The following BACE1 variants were observed in gnomAD, a reference collection of about 807,000 sequenced individuals.
BACE1 encodes APP beta-secretase.
BACE1 carries 21 observed loss-of-function variants against 54.0 expected under a neutral mutation model. The observed-to-expected ratio is 0.39, with a 90% CI of 0.28 to 0.56. The LOEUF (loss-of-function observed/expected upper bound fraction) is 0.56. BACE1 is among the 20% of genes least tolerant of loss of function. The pLI is 0.63. For missense variants in BACE1, 511 were observed against 661.2 expected (o/e 0.77, Z 2.49); for synonymous variants, 232 against 260.9 (o/e 0.89, Z 1.07).
Position 117,293,198 on chromosome 11 carries a change from AAAAG to A in BACE1, c.706-14_706-11del. ...CGATACCTCCAATGATCTAGGGAAA[AAAAG>A]AGGCAGGTACCCGTGTCCTGGCACA... On this transcript the variant is annotated splice_polypyrimidine_tract_variant and intron_variant, in intron 4 of 8. Transcript: ENST00000313005. This position sits in a 1 kb window ranked among gnomAD's most constrained non-coding sequence, Gnocchi z 4.1. 1.2e-6 allele frequency: 2 copies of A among 1,612,958 alleles called. No individual in the cohort carries two copies. The highest frequency in any genetic ancestry group is 1.1e-5 in the South Asian group (1 of 90,828).
At chr11:117,305,727 CT>C (rs376828112) in intron 1 of BACE1, among the ~76,000 whole-genome samples, 14 of 150,732 alleles carry the variant, frequency 9.3e-5, no homozygotes, top group South Asian at 2.1e-4. Flanking sequence ...AATTTTCAAA[CT>C]TTTTTTTTTC....
intron 8 of BACE1, among the ~76,000 whole-genome samples, chr11:117,290,211 C>G (rs916699996): frequency 6.6e-6 from 1 of 152,226 alleles, no homozygotes; most frequent in Non-Finnish European, 1.5e-5. Flanking sequence ...TAGACTCAGT[C>G]TGCTACCCTT....
intron 2 of BACE1, among the ~76,000 whole-genome samples, chr11:117,295,928 C>A (rs2034587131): frequency 6.6e-6 from 1 of 152,194 alleles, no homozygotes; most frequent in African/African-American, 2.4e-5. Flanking sequence ...ACACCACTAA[C>A]CAGGGCTTCT....
In BACE1 at chr11:117,293,516, T is replaced by C. The variant is rs927645378; in HGVS notation, c.706-328A>G. On this transcript the variant is annotated intron_variant, in intron 4 of 8. Coordinates refer to ENST00000313005, the MANE Select transcript of BACE1 (RefSeq NM_012104.6). This position sits in a 1 kb window ranked among gnomAD's most constrained non-coding sequence, Gnocchi z 4.1. ...TTATAAGTTTTATTTTCTCTGCTTA[T>C]TGGAGAACCATTCACCATTGTTCTA... The C allele has an allele frequency of 2.1e-5, 6 of 280,192 alleles. No individual in the cohort carries two copies. Among genetic ancestry groups the C allele is most frequent in the Admixed American group, 5.0e-5 (1 of 20,086 alleles). The allele number at this position is 280,192 out of a possible 1,614,324, so 17.4% of individuals were successfully genotyped here.
At chr11:117,304,302 G>GC (rs2034785286) in intron 1 of BACE1, among the ~76,000 whole-genome samples, 1 of 152,336 alleles carries the variant, frequency 6.6e-6, no homozygotes, top group Admixed American at 6.5e-5. Context: ...GGTTAGTCCA[G>GC]CCCCCAGCTG....
chr11:117,314,779 C>G (rs2035041918), intron 1 of BACE1: 2 of 152,446 alleles, frequency 1.3e-5, no homozygotes, highest in Admixed American at 6.5e-5. Flanking sequence ...AGTGTTTTCT[C>G]TGTAACTCCC....
At chr11:117,311,875 G>A (rs2034949964) in intron 1 of BACE1, among the ~76,000 whole-genome samples, 1 of 152,132 alleles carries the variant, frequency 6.6e-6, no homozygotes, top group Admixed American at 6.5e-5. Context: ...TCCTGACCTT[G>A]TGATCCACCT....
At chr11:117,310,267 C>T (rs1240812099) in intron 1 of BACE1, among the ~76,000 whole-genome samples, 1 of 152,022 alleles carries the variant, frequency 6.6e-6, no homozygotes, top group African/African-American at 2.4e-5. Context: ...GCATTTACAA[C>T]TGCCTGTCAA....
Position 117,293,816 on chromosome 11 carries a change from T to A in BACE1, c.705+55A>T. 6.5e-7 allele frequency: 1 copy of A among 1,549,966 alleles called. No homozygotes were observed. Among genetic ancestry groups the A allele is most frequent in the Non-Finnish European group, 8.7e-7 (1 of 1,145,922 alleles). On this transcript the variant is annotated intron_variant, in intron 4 of 8. Transcript: ENST00000313005. The surrounding 1 kb of genome is among the most constrained non-coding windows in gnomAD (Gnocchi z 4.1). Reference sequence around the variant, plus strand: ...TGTAGCTTTCAGGAAGGGGAGAGGATGGCACCCATCTCTCCCTCAATGCCA... The same window carrying A: ...TGTAGCTTTCAGGAAGGGGAGAGGAAGGCACCCATCTCTCCCTCAATGCCA...
intron 1 of BACE1, among the ~76,000 whole-genome samples, chr11:117,298,295 G>A (rs1214151896): frequency 4.4e-4 from 66 of 150,966 alleles, no homozygotes; most frequent in South Asian, 2.1e-4. Flanking sequence ...GCAACACTCC[G>A]TCTCAAAAAA....
At chr11:117,292,072 C>A in intron 5 of BACE1, 1 of 230,816 alleles carries the variant, frequency 4.3e-6, no homozygotes, top group Non-Finnish European at 8.4e-6. Context: ...TCGTGCCCAG[C>A]AGAGAGAAGG....
At chr11:117,312,960 A>T (rs1458837503) in intron 1 of BACE1, among the ~76,000 whole-genome samples, 5 of 152,158 alleles carry the variant, frequency 3.3e-5, no homozygotes, top group Admixed American at 6.6e-5. Flanking sequence ...CTGTAACTCT[A>T]TGTGGGCAGA....
At chr11:117,294,820 G>A (rs1459786171) in intron 3 of BACE1, among the ~76,000 whole-genome samples, 2 of 151,720 alleles carry the variant, frequency 1.3e-5, no homozygotes, top group African/African-American at 2.4e-5. Context: ...AGGAGGTGGA[G>A]GTTGCAGTGA....
intron 6 of BACE1, among the ~76,000 whole-genome samples, chr11:117,291,423 G>A (rs1476122968): frequency 6.6e-6 from 1 of 152,082 alleles, no homozygotes; most frequent in African/African-American, 2.4e-5. Context: ...GATTACAGGC[G>A]TGCGCCACCA....
chr11:117,305,684 A>G (rs2034815930), intron 1 of BACE1, among the ~76,000 whole-genome samples: 1 of 151,974 alleles, frequency 6.6e-6, no homozygotes, highest in South Asian at 2.1e-4. Flanking sequence ...CAATAGAATG[A>G]TGGATGTCGA....
Position 117,295,330 on chromosome 11 carries a change from T to C in BACE1, c.368A>G (p.Asp123Gly). ...YQRQLSSTYR[D>G]LRKGVYVPYT... ...GGGCACATACACACCCTTCCGGAGGTCCCGGTATGTGCTGGACCTGTGGAA... is the reference window on the plus strand; with the variant it reads ...GGGCACATACACACCCTTCCGGAGGCCCCGGTATGTGCTGGACCTGTGGAA... The change falls in exon 3 of 9, where the codon GAC becomes GGC. Residue 123 changes from aspartate (D) to glycine (G), a missense_variant. This residue lies in a region of BACE1 where 407 missense variants were observed against 565.7 expected (regional missense o/e 0.72). Coordinates refer to ENST00000313005, the MANE Select transcript of BACE1 (RefSeq NM_012104.6). The C allele has an allele frequency of 6.2e-7, 1 of 1,613,312 alleles. No individual in the cohort carries two copies.
chr11:117,295,836 G>A (rs1202528086), intron 2 of BACE1, among the ~76,000 whole-genome samples: 1 of 152,220 alleles, frequency 6.6e-6, no homozygotes, highest in African/African-American at 2.4e-5. Flanking sequence ...GTTTGTTCAA[G>A]CATCTCAGAA....
intron 1 of BACE1, among the ~76,000 whole-genome samples, chr11:117,307,729 C>T (rs930855159): frequency 2.0e-5 from 3 of 152,112 alleles, no homozygotes; most frequent in Non-Finnish European, 4.4e-5. Context: ...CTCAATGCCC[C>T]CTCACTCCCA....
chr11:117,310,566 G>A (rs1209191364), intron 1 of BACE1, among the ~76,000 whole-genome samples: 3 of 151,978 alleles, frequency 2.0e-5, no homozygotes, highest in Non-Finnish European at 2.9e-5. Flanking sequence ...GATTACAAGC[G>A]CCTGCCACCA....
Sources: gnomAD v4.1 joint callset for allele counts (sites outside exome capture counted in the v4.1 genomes callset) on GRCh38, gnomAD v4.1.1 for gene constraint, gnomAD v4.1.1 regional missense constraint, Gnocchi (gnomAD v3.1) non-coding constraint, MANE v1.5 for transcripts, NCBI Gene and HGNC (gene_info 2026-07-23, HGNC 2026-07-21) for gene names.